Variants in SYNPO2L observed in about 807,000 individuals in gnomAD.
SYNPO2L encodes the protein synaptopodin 2-like protein.
A neutral mutation model predicts 47.5 loss-of-function variants in SYNPO2L; 34 were observed. The observed-to-expected ratio is 0.72, with a 90% CI of 0.54 to 0.95. The LOEUF is 0.95. Ranked by LOEUF, SYNPO2L falls within the 40% of genes least tolerant of loss-of-function variation. The pLI, the probability that SYNPO2L is intolerant of heterozygous loss-of-function variation, is 0.00. For missense variants in SYNPO2L, 1,246 were observed against 1,282.0 expected (o/e 0.97, Z 0.43); for synonymous variants, 536 against 524.9 (o/e 1.02, Z -0.29).
At chr10:73,653,768 G>A (rs2132423842) in intron 2 of SYNPO2L, 115 bp from the exon 3 acceptor site, 4 of 1,353,352 alleles carry the variant, frequency 3.0e-6, no homozygotes, top group East Asian at 2.5e-5. Flanking sequence ...GGAGAGAGAA[G>A]GCTGTCATAC....
chr10:73,648,906 C>G, intron 3 of SYNPO2L, 27 bp from the exon 4 acceptor site: 1 of 1,483,080 alleles, frequency 6.7e-7, no homozygotes, highest in Non-Finnish European at 8.9e-7. Context: ...GTAAAATGGT[C>G]AGGGGGGCTT....
At chr10:73,652,562 C>T (rs144762414) in intron 3 of SYNPO2L, among the ~76,000 whole-genome samples, 6 of 152,210 alleles carry the variant, frequency 3.9e-5, no homozygotes, top group African/African-American at 1.4e-4. Flanking sequence ...CCCAGCTACT[C>T]GGGAGGCAGA....
At chr10:73,649,979 G>A (rs1232186222) in intron 3 of SYNPO2L, 5 of 985,414 alleles carry the variant, frequency 5.1e-6, no homozygotes, top group African/African-American at 1.7e-5. Flanking sequence ...CTGTCTCTAC[G>A]TAGAGAGCTC....
chr10:73,649,221 T>G (rs969018580), intron 3 of SYNPO2L, among the ~76,000 whole-genome samples: 1 of 152,022 alleles, frequency 6.6e-6, no homozygotes, highest in African/African-American at 2.4e-5. Context: ...TGACTGGCAA[T>G]GGGAGGGGGA....
rs2081773385 is a variant in SYNPO2L, at chr10:73,647,476, C to T, written c.2176G>A (p.Ala726Thr). The T allele has an allele frequency of 6.3e-7, 1 of 1,593,756 alleles. No individual in the cohort carries two copies. ...AGCCCTCGAGATGGGGGCTTAGGAG[C>T]CACTGGGGGTGGAGTCTTAGGAGTC... is the stretch of plus-strand genomic sequence containing the variant. ...PMTPKTPPPV[A>T]PKPPSRGLLD... Residue 726 changes from alanine (A) to threonine (T), a missense_variant, in exon 4 of 4, where the codon GCT becomes ACT. This residue lies in a region of SYNPO2L where 1,037 missense variants were observed against 1,021.5 expected (regional missense o/e 1.02). Transcript: ENST00000394810.
intron 3 of SYNPO2L, chr10:73,649,951 C>T (rs1343629419): frequency 2.0e-6 from 2 of 985,260 alleles, no homozygotes; most frequent in Non-Finnish European, 2.4e-6. Context: ...GTGGGGTGGG[C>T]TTCTTCAGGG....
chr10:73,646,972 C>G lies in SYNPO2L; in HGVS notation c.2680G>C (p.Ala894Pro). 6.2e-7 allele frequency: 1 copy of G among 1,611,256 alleles called. No individual in the cohort carries two copies. Among genetic ancestry groups the G allele is most frequent in the Non-Finnish European group, 8.5e-7 (1 of 1,178,220 alleles). Reference sequence around the variant, plus strand: ...AGGGGTTCTGCAGTGGGCTGGGGTGCCGGAGTGGAAAACCGGCGAATCTCC... The same window carrying G: ...AGGGGTTCTGCAGTGGGCTGGGGTGGCGGAGTGGAAAACCGGCGAATCTCC... ...VQEIRRFSTP[A>P]PQPTAEPLAP... The change falls in exon 4 of 4, where the codon GCA (alanine) becomes CCA (proline). Residue 894 changes from alanine to proline, a missense_variant. Transcript: ENST00000394810.
rs749755996 is a variant in SYNPO2L, at chr10:73,648,663, GT to G, written c.988del (p.Thr330ArgfsTer51). 5.6e-6 allele frequency: 9 copies of G among 1,611,184 alleles called. No individual in the cohort carries two copies. The highest frequency in any genetic ancestry group is 7.6e-6 in the Non-Finnish European group (9 of 1,177,500). ...GAEEEDGVPPTSESELDEEAF... is the reference protein window; with the variant it reads ...GAEEEDGVPPXSESELDEEAF... ...TTCTTCGTCCAGCTCGGACTCACTC[GT>G]GGGGGGAACGCCGTCCTCCTCCTCA... On this transcript the variant is annotated frameshift_variant, in exon 4 of 4. Coordinates refer to ENST00000394810, the MANE Select transcript of SYNPO2L (RefSeq NM_001114133.3). LOFTEE classifies it low-confidence loss of function (END_TRUNC).
In SYNPO2L at chr10:73,653,231, G is replaced by T; in HGVS notation, c.680C>A (p.Pro227His). 6 of 1,528,864 alleles carry T rather than the reference G, an allele frequency of 3.9e-6. No individual in the cohort carries two copies. Among genetic ancestry groups the T allele is most frequent in the Non-Finnish European group, 5.3e-6 (6 of 1,134,728 alleles). The allele number at this position is 1,528,864 out of a possible 1,614,324, so 94.7% of individuals were successfully genotyped here. Residue 227 changes from proline to histidine, a missense_variant, in exon 3 of 4, where the codon CCT (proline) becomes CAT (histidine). Physicochemically the swap from Pro to His is moderately conservative, Grantham distance 77 (BLOSUM62 -2). Coordinates refer to ENST00000394810, the MANE Select transcript of SYNPO2L (RefSeq NM_001114133.3). ...ALLLPHGPLR[P>H]GPHLIPMVGP... Reference sequence around the variant, plus strand: ...CACCATAGGGATGAGATGAGGACCAGGTCGGAGGGGGCCATGGGGTAACAG... The same window carrying T: ...CACCATAGGGATGAGATGAGGACCATGTCGGAGGGGGCCATGGGGTAACAG...
In SYNPO2L at chr10:73,647,697, A is replaced by T; in HGVS notation, c.1955T>A (p.Leu652Gln). 6.2e-7 allele frequency: 1 copy of T among 1,614,048 alleles called. No individual in the cohort carries two copies. Among genetic ancestry groups the T allele is most frequent in the Non-Finnish European group, 8.5e-7 (1 of 1,179,970 alleles). ...EETKNSPNPE[L>Q]LSLVQNLDEK... ...ATCCAGGTTCTGTACCAGCGATAGC[A>T]GCTCGGGGTTGGGCGAGTTCTTCGT... The change falls in exon 4 of 4, where the codon CTG becomes CAG. Residue 652 changes from leucine to glutamine, a missense_variant. Leu to Gln is a moderately radical substitution (Grantham distance 113). Transcript: ENST00000394810.
chr10:73,653,743 G>A, intron 2 of SYNPO2L, 90 bp from the exon 3 acceptor site: 1 of 1,426,226 alleles, frequency 7.0e-7, no homozygotes, highest in Non-Finnish European at 9.2e-7. Context: ...AGGTAAGGGG[G>A]AGGGAAGAGG....
chr10:73,654,862 A>C (rs11000732), intron 1 of SYNPO2L, among the ~76,000 whole-genome samples: 11,266 of 151,992 alleles, frequency 0.074, 1,369 homozygotes, highest in African/African-American at 0.26. Context: ...AAGAAAAAAA[A>C]CGGAAAGAAA....
At chr10:73,655,156 C>T (rs970410027) in intron 1 of SYNPO2L, among the ~76,000 whole-genome samples, 10 of 152,318 alleles carry the variant, frequency 6.6e-5, no homozygotes, top group Non-Finnish European at 1.3e-4. Context: ...TGTATTATTG[C>T]ATTTAATCCT....
chr10:73,650,241 CTTTGTAATGAGCTCCTTTGT>C (rs2081830480), intron 3 of SYNPO2L: 2 of 985,060 alleles, frequency 2.0e-6, no homozygotes, highest in Admixed American at 1.2e-4. Flanking sequence ...TTGTAATGAG[CTTTGTAATGAGCTCCTTTGT>C]AATGAGCGTG....
In SYNPO2L at chr10:73,646,724, G is replaced by A. The variant is rs2132415287; in HGVS notation, c.2928C>T (p.His976=). The A allele has an allele frequency of 1.3e-6, 2 of 1,486,244 alleles. No homozygotes were observed. The highest frequency in any genetic ancestry group is 3.0e-5 in the South Asian group (2 of 66,148). The allele number at this position is 1,486,244 out of a possible 1,614,324, so 92.1% of individuals were successfully genotyped here. A position where few individuals can be genotyped will look rare whatever the true frequency, so the allele number is the denominator to read the frequency against. The change falls in exon 4 of 4, where the codon CAC becomes CAT. Residue 976 remains histidine, a synonymous_variant. Coordinates refer to ENST00000394810, the MANE Select transcript of SYNPO2L (RefSeq NM_001114133.3). ...TCCTGGGACCTGTGCCTGTTCACTGGTGCCCTGCCCCAGGCCTCCACACAT... is the reference window on the plus strand; with the variant it reads ...TCCTGGGACCTGTGCCTGTTCACTGATGCCCTGCCCCAGGCCTCCACACAT... The part of the protein sequence containing the change: ...QAHVWRPGAG[H]Q
Position 73,651,164 on chromosome 10 carries a change from G to A in SYNPO2L, c.772+1975C>T, listed in dbSNP as rs549129420. On this transcript the variant is annotated intron_variant, in intron 3 of 3. Transcript: ENST00000394810. ...CTCCCTTCTCTGGGCTGCCCCACAA[G>A]TGCCGGTGTGATGGATGTGGGCACC... 10 of 1,164,762 alleles carry A rather than the reference G, an allele frequency of 8.6e-6. No homozygotes were observed. The East Asian group carries it at 2.6e-4, about 31-fold the overall frequency. 72.2% of individuals were successfully genotyped at this position (1,164,762 alleles called of 1,614,324 possible).
In SYNPO2L at chr10:73,654,407, T is replaced by TG; in HGVS notation, c.106-128dup. On this transcript the variant is annotated intron_variant, in intron 1 of 3. Coordinates refer to ENST00000394810, the MANE Select transcript of SYNPO2L (RefSeq NM_001114133.3). ...AGGGTAAGAAGGGTGGGGAGATGCA[T>TG]GGAAGTGGCTGCAGTTGAAGTGGCC... 3.3e-6 allele frequency: 4 copies of TG among 1,212,988 alleles called. No homozygotes were observed. The South Asian group carries it at 6.0e-5, about 18-fold the overall frequency. 75.1% of individuals were successfully genotyped at this position (1,212,988 alleles called of 1,614,324 possible).
In SYNPO2L at chr10:73,647,872, G is replaced by A. The variant is rs1180061312; in HGVS notation, c.1780C>T (p.Pro594Ser). Residue 594 changes from proline to serine, a missense_variant, in exon 4 of 4, where the codon CCA becomes TCA. By Grantham distance (74) the Pro-to-Ser change is moderately conservative. This residue lies in a region of SYNPO2L where 1,037 missense variants were observed against 1,021.5 expected (regional missense o/e 1.02). Coordinates refer to ENST00000394810, the MANE Select transcript of SYNPO2L (RefSeq NM_001114133.3). ...LSAPLRPSARPEAPAPGPGAP... is the reference protein window; with the variant it reads ...LSAPLRPSARSEAPAPGPGAP... ...CCTGGGCCTGGGGCAGGCGCCTCTGGGCGCGCAGAGGGTCGCAAAGGCGCA... is the reference window on the plus strand; with the variant it reads ...CCTGGGCCTGGGGCAGGCGCCTCTGAGCGCGCAGAGGGTCGCAAAGGCGCA... 3 of 1,534,218 alleles carry A rather than the reference G, an allele frequency of 2.0e-6. No individual in the cohort carries two copies. In the African/African-American group the frequency reaches 4.2e-5, roughly 21 times the overall value.
Position 73,645,104 on chromosome 10 carries a change from G to A in SYNPO2L, c.*1614C>T. On this transcript the variant is annotated 3_prime_UTR_variant, in exon 4 of 4. Transcript: ENST00000394810. ...TGGGGTGGGACTGAAAGGAGGTTTT[G>A]GCTCTGGGTATTTCCCTACTCTTTC... 8.1e-7 allele frequency: 1 copy of A among 1,239,982 alleles called. No individual in the cohort carries two copies. The highest frequency in any genetic ancestry group is 1.4e-5 in the South Asian group (1 of 70,030). 76.8% of individuals were successfully genotyped at this position (1,239,982 alleles called of 1,614,324 possible).
Sources: allele counts gnomAD v4.1 joint callset (sites outside exome capture counted in the v4.1 genomes callset), GRCh38; gene constraint gnomAD v4.1.1; regional missense constraint gnomAD v4.1.1; transcripts MANE v1.5; gene names NCBI Gene and HGNC (gene_info 2026-07-23, HGNC 2026-07-21).